TMC2: variants seen among roughly 807,000 people sequenced by gnomAD.
TMC2 encodes the protein transmembrane channel-like protein 2.
A neutral mutation model predicts 105.9 loss-of-function variants in TMC2; 102 were observed. That is an observed-to-expected ratio of 0.96 (90% CI 0.82 to 1.14). The LOEUF (loss-of-function observed/expected upper bound fraction) is 1.14, where lower values mean the gene tolerates loss of function less well. Among genes scored for constraint, TMC2 ranks in the 50% most tolerant of loss-of-function variants. The pLI, the probability that TMC2 is intolerant of heterozygous loss-of-function variation, is 0.00. For missense variants in TMC2, 1,093 were observed against 1,134.3 expected (o/e 0.96, Z 0.52); for synonymous variants, 402 against 422.8 (o/e 0.95, Z 0.60).
chr20:2,542,394 A>T (rs1288528221), intron 2 of TMC2, among the ~76,000 whole-genome samples: 1 of 152,204 alleles, frequency 6.6e-6, no homozygotes, highest in East Asian at 1.9e-4. Context: ...TAAGCAGGTA[A>T]GAGTCTTCTC....
At chr20:2,562,936 ACT>A (rs2086037455) in intron 4 of TMC2, among the ~76,000 whole-genome samples, 1 of 151,674 alleles carries the variant, frequency 6.6e-6, no homozygotes, top group Admixed American at 6.6e-5. Flanking sequence ...ACAGAGGGAG[ACT>A]CTGTATCAAA....
intron 11 of TMC2, among the ~76,000 whole-genome samples, chr20:2,608,300 T>TTTATTTATTATTATTA (rs369930519): frequency 7.4e-6 from 1 of 134,602 alleles, no homozygotes; most frequent in African/African-American, 2.7e-5. Context: ...CTTATTTTTA[T>TTTATTTATTATTATTA]TTATTATTAT....
intron 10 of TMC2, among the ~76,000 whole-genome samples, chr20:2,599,104 C>T (rs906438169): frequency 2.0e-5 from 3 of 151,912 alleles, no homozygotes; most frequent in Non-Finnish European, 4.4e-5. Flanking sequence ...ACCATTTTGG[C>T]CAGGCTGATC....
At chr20:2,595,262 C>T (rs112774711) in intron 9 of TMC2, among the ~76,000 whole-genome samples, 2 of 152,270 alleles carry the variant, frequency 1.3e-5, no homozygotes, top group African/African-American at 2.4e-5. Context: ...GCCCTGAGGC[C>T]GCAAATAGCC....
At position 2,643,039 on chromosome 20, in the gene TMC2, C is replaced by A. The variant is rs2086699144; in HGVS notation, c.*1688C>A. ...AATCCCTTCCCTTCTCAATCCAGCA[C>A]CAAAACTTCACATATATATACAAAC... On this transcript the variant is annotated 3_prime_UTR_variant, in exon 20 of 20. Coordinates refer to ENST00000358864, the MANE Select transcript of TMC2 (RefSeq NM_080751.3). 6.6e-6 allele frequency among the ~76,000 whole-genome samples: 1 copy of A among 152,102 alleles called. No homozygotes were observed. The highest frequency in any genetic ancestry group is 6.5e-5 in the Admixed American group (1 of 15,276).
At chr20:2,635,791 A>C in intron 17 of TMC2, 135 bp from the exon 18 acceptor site, 1 of 690,928 alleles carries the variant, frequency 1.4e-6, no homozygotes, top group Non-Finnish European at 2.6e-6. Flanking sequence ...CATTGAGAAA[A>C]GAAGATGGTA....
chr20:2,604,839 C>T (rs2086377642), intron 11 of TMC2, among the ~76,000 whole-genome samples: 1 of 152,208 alleles, frequency 6.6e-6, no homozygotes, highest in Non-Finnish European at 1.5e-5. Context: ...AAGCTCCAAG[C>T]CCCTTGCCCA....
At chr20:2,608,300 T>TTTTTTATTA (rs1555775762) in intron 11 of TMC2, among the ~76,000 whole-genome samples, 50 of 134,602 alleles carry the variant, frequency 3.7e-4, no homozygotes, top group Admixed American at 1.2e-3. Context: ...CTTATTTTTA[T>TTTTTTATTA]TTATTATTAT....
chr20:2,607,299 C>T (rs1296745700), intron 11 of TMC2, among the ~76,000 whole-genome samples: 1 of 152,168 alleles, frequency 6.6e-6, no homozygotes, highest in Non-Finnish European at 1.5e-5. Context: ...GCTCCTGCCT[C>T]TCATCCCTTT....
intron 12 of TMC2, among the ~76,000 whole-genome samples, chr20:2,611,405 C>T (rs1279802328): frequency 6.6e-6 from 1 of 152,220 alleles, no homozygotes; most frequent in Non-Finnish European, 1.5e-5. Flanking sequence ...TCTCTGGCTT[C>T]CCTCCTACCC....
rs142505727 is a variant in TMC2 at position 2,555,280 on chromosome 20, C to T, written c.83-3176C>T. Among the ~76,000 whole-genome samples the T allele has an allele frequency of 3.9e-3, 586 of 151,940 alleles. 3 individuals carry two copies. Among genetic ancestry groups the T allele is most frequent in the African/African-American group, 0.013 (544 of 41,254 alleles). On this transcript the variant is annotated intron_variant, in intron 2 of 19. Coordinates refer to ENST00000358864, the MANE Select transcript of TMC2 (RefSeq NM_080751.3). ...ATTTTTAGTAGAGATGGGGTTTCACCATGTTGGCCACGCTGGTCTCGAACA... is the reference window on the plus strand; with the variant it reads ...ATTTTTAGTAGAGATGGGGTTTCACTATGTTGGCCACGCTGGTCTCGAACA...
intron 7 of TMC2, among the ~76,000 whole-genome samples, chr20:2,587,020 T>C (rs1042599436): frequency 1.3e-5 from 2 of 152,200 alleles, no homozygotes; most frequent in African/African-American, 2.4e-5. Flanking sequence ...ATAGTGTATA[T>C]TTTGTATGAA....
chr20:2,602,539 G>C (rs939662471), intron 11 of TMC2, among the ~76,000 whole-genome samples: 1 of 152,214 alleles, frequency 6.6e-6, no homozygotes, highest in African/African-American at 2.4e-5. Context: ...ATAGCCACCT[G>C]TGCAACACCA....
In TMC2 at chr20:2,612,299, G is replaced by T. The variant is rs1568524312; in HGVS notation, c.1702G>T (p.Asp568Tyr). 3.8e-6 allele frequency: 6 copies of T among 1,598,884 alleles called. No individual in the cohort carries two copies. Among genetic ancestry groups the T allele is most frequent in the Non-Finnish European group, 5.1e-6 (6 of 1,170,034 alleles). ...SVPRPPLHPA[D>Y]VPRGSCWETA... ...CCCCCGACCACCCCTGCACCCTGCA[G>T]ATGTGCCCCGGGGTTCTTGCTGGGA... The change falls in exon 13 of 20, where the codon GAT becomes TAT. Residue 568 changes from aspartate to tyrosine, a missense_variant. Physicochemically the swap from Asp to Tyr is radical, Grantham distance 160. Coordinates refer to ENST00000358864, the MANE Select transcript of TMC2 (RefSeq NM_080751.3).
At chr20:2,538,878 C>A (rs1011580989) in intron 2 of TMC2, among the ~76,000 whole-genome samples, 1 of 152,176 alleles carries the variant, frequency 6.6e-6, no homozygotes, top group Non-Finnish European at 1.5e-5. Context: ...TCACCTGCGA[C>A]GGGACCTGAT....
At position 2,610,512 on chromosome 20, in the gene TMC2, A is replaced by C. The variant is rs143365063; in HGVS notation, c.1507A>C (p.Lys503Gln). ...LENYHPRTGL[K>Q]WQLGRIFALF... ...GAATTACCACCCACGCACTGGACTG[A>C]AGTGGCAGCTGGGACGCATCTTTGC... Residue 503 changes from lysine (K) to glutamine (Q), a missense_variant, in exon 12 of 20, where the codon AAG (lysine) becomes CAG (glutamine). Transcript: ENST00000358864. The C allele has an allele frequency of 3.8e-5, 62 of 1,613,810 alleles. No individual in the cohort carries two copies. The African/African-American group carries it at 7.1e-4, about 18-fold the overall frequency.
chr20:2,596,926 A>G (rs1264280724), intron 9 of TMC2, among the ~76,000 whole-genome samples: 1 of 152,062 alleles, frequency 6.6e-6, no homozygotes, highest in Non-Finnish European at 1.5e-5. Context: ...TTATTACCTC[A>G]TTGATACCAT....
In TMC2 at chr20:2,549,700, G is replaced by A. The variant is rs112079181; in HGVS notation, c.83-8756G>A. Among the ~76,000 whole-genome samples the A allele has an allele frequency of 2.8e-3, 425 of 151,718 alleles. 1 individual carries two copies. Among genetic ancestry groups the A allele is most frequent in the African/African-American group, 8.3e-3 (345 of 41,390 alleles). The stretch of plus-strand genomic sequence containing the variant: ...AGATGTTGCAGTGAGCCGAGAGCAC[G>A]CCACTGCCCTCCAGCCAAATAGGAA... On this transcript the variant is annotated intron_variant, in intron 2 of 19. Transcript: ENST00000358864.
At chr20:2,542,371 C>T (rs1427101530) in intron 2 of TMC2, among the ~76,000 whole-genome samples, 1 of 152,128 alleles carries the variant, frequency 6.6e-6, no homozygotes, top group African/African-American at 2.4e-5. Context: ...AAGTGTTATT[C>T]AGTAAGGTTT....
Sources: gnomAD v4.1 joint callset for allele counts (sites outside exome capture counted in the v4.1 genomes callset) on GRCh38, gnomAD v4.1.1 for gene constraint, MANE v1.5 for transcripts, NCBI Gene and HGNC (gene_info 2026-07-23, HGNC 2026-07-21) for gene names.